The following NFATC1 variants were observed in gnomAD, a reference collection of about 807,000 sequenced individuals.
NFATC1 encodes the protein nuclear factor of activated T-cells, cytoplasmic 1.
NFATC1 carries 22 observed loss-of-function variants against 76.0 expected under a neutral mutation model. The observed-to-expected ratio is 0.29, with a 90% CI of 0.21 to 0.41. The LOEUF is 0.41. NFATC1 is among the 10% of genes least tolerant of loss of function. The pLI is 1.00. For synonymous variants in NFATC1, 704 were observed against 613.1 expected (o/e 1.15, Z -2.19); for missense variants, 1,357 against 1,337.7 (o/e 1.01, Z -0.23).
At chr18:79,416,581 C>T (rs1291768544) in intron 2 of NFATC1, among the ~76,000 whole-genome samples, 3 of 152,238 alleles carry the variant, frequency 2.0e-5, no homozygotes, top group South Asian at 4.1e-4. Context: ...GCCGTGGGGT[C>T]TTCCCCGAGC....
intron 9 of NFATC1, among the ~76,000 whole-genome samples, chr18:79,488,869 C>G (rs1366301827): frequency 6.6e-6 from 1 of 152,194 alleles, no homozygotes; most frequent in Non-Finnish European, 1.5e-5. Context: ...GCCCTGCAGG[C>G]CCAGGTGGGA....
At chr18:79,463,342 C>T (rs1420355916) in intron 7 of NFATC1, among the ~76,000 whole-genome samples, 3 of 147,660 alleles carry the variant, frequency 2.0e-5, no homozygotes, top group Non-Finnish European at 4.5e-5. Flanking sequence ...GCCCGTTGTC[C>T]GCAGAGCCAG....
At chr18:79,503,892 G>A (rs2090066235) in intron 9 of NFATC1, among the ~76,000 whole-genome samples, 1 of 152,176 alleles carries the variant, frequency 6.6e-6, no homozygotes, top group Non-Finnish European at 1.5e-5. Context: ...TTGCTTTTAT[G>A]GTATGGAGAT....
At chr18:79,527,426 G>T (rs958798690) in intron 9 of NFATC1, 102 bp from the exon 10 acceptor site, 20 of 930,792 alleles carry the variant, frequency 2.1e-5, no homozygotes, top group African/African-American at 1.1e-4. Flanking sequence ...GAGATGCCTT[G>T]TCACAGGCGT....
At chr18:79,494,759 C>G (rs112667093) in intron 9 of NFATC1, among the ~76,000 whole-genome samples, 199 of 58,818 alleles carry the variant, frequency 3.4e-3, no homozygotes, top group Admixed American at 7.0e-3. Flanking sequence ...GACCTGGTAC[C>G]GCCGGGGGAA....
Position 79,486,779 on chromosome 18 carries a change from C to G in NFATC1, c.2624C>G (p.Pro875Arg). 5 of 1,608,540 alleles carry G rather than the reference C, an allele frequency of 3.1e-6. No homozygotes were observed. The highest frequency in any genetic ancestry group is 4.2e-6 in the Non-Finnish European group (5 of 1,178,090). ...GCGTGCCCGCCCGCCACGGGCCGCC[C>G]GCAGCACCTGCCGTCCACGGTCCGC... ...SPACPPATGRPQHLPSTVRRD... is the reference protein window; with the variant it reads ...SPACPPATGRRQHLPSTVRRD... The change falls in exon 9 of 10, where the codon CCG becomes CGG. Residue 875 changes from proline to arginine, a missense_variant. By Grantham distance (103) the Pro-to-Arg change is moderately radical (BLOSUM62 -2). Around this residue, in one of 3 missense-constraint regions of NFATC1, gnomAD observed 424 missense variants for 395.4 expected, o/e 1.07. Transcript: ENST00000427363.
At chr18:79,424,666 CATCTCT>C (rs2086225765) in intron 2 of NFATC1, among the ~76,000 whole-genome samples, 1 of 127,286 alleles carries the variant, frequency 7.9e-6, no homozygotes, top group Non-Finnish European at 1.6e-5. Flanking sequence ...TCTGTCTCTC[CATCTCT>C]GTCTCTGTCC....
At chr18:79,423,912 C>T (rs2086188414) in intron 2 of NFATC1, among the ~76,000 whole-genome samples, 2 of 152,224 alleles carry the variant, frequency 1.3e-5, no homozygotes, top group Non-Finnish European at 2.9e-5. Flanking sequence ...GGAGCCAGCC[C>T]ATTGGACAGT....
At chr18:79,418,217 C>T (rs1450294154) in intron 2 of NFATC1, among the ~76,000 whole-genome samples, 1 of 152,140 alleles carries the variant, frequency 6.6e-6, no homozygotes, top group Non-Finnish European at 1.5e-5. Flanking sequence ...AATCCGCGTG[C>T]TGCCCCACCA....
At chr18:79,417,053 C>T (rs1156361533) in intron 2 of NFATC1, among the ~76,000 whole-genome samples, 3 of 152,234 alleles carry the variant, frequency 2.0e-5, no homozygotes, top group Admixed American at 1.3e-4. Context: ...CAGCAGGTGA[C>T]TCGCGCAAGC....
chr18:79,400,562 CTCCCCGGGGACCCCAGGAG>C (rs2085169609), intron 1 of NFATC1: 1 of 1,211,182 alleles, frequency 8.3e-7, no homozygotes, highest in Admixed American at 4.3e-5. Context: ...GTCCTCGTCG[CTCCCCGGGGACCCCAGGAG>C]TCCCCGGCGC....
At chr18:79,497,770 GAC>G (rs1374396210) in intron 9 of NFATC1, 2 of 151,756 alleles carry the variant, frequency 1.3e-5, no homozygotes, top group Non-Finnish European at 2.9e-5. Flanking sequence ...GGCAGGTCCT[GAC>G]ACACAGGTTT....
chr18:79,449,651 A>G (rs996829568), intron 4 of NFATC1, among the ~76,000 whole-genome samples: 10 of 152,208 alleles, frequency 6.6e-5, no homozygotes, highest in African/African-American at 2.4e-4. Context: ...TGGAACGTGC[A>G]GACCAGCAGG....
intron 8 of NFATC1, among the ~76,000 whole-genome samples, chr18:79,476,974 C>T (rs35903852): frequency 0.18 from 26,830 of 152,234 alleles, 2,808 homozygotes; most frequent in Non-Finnish European, 0.24. Context: ...GGATGGAGTT[C>T]GGAAGGACCC....
In NFATC1 at chr18:79,433,585, C is replaced by T; in HGVS notation, c.1233C>T (p.Thr411=). The change falls in exon 3 of 10, where the codon ACC becomes ACT. Residue 411 remains threonine (T), a synonymous_variant. Coordinates refer to ENST00000427363, the MANE Select transcript of NFATC1 (RefSeq NM_001278669.2). ...CTGCTCTGTTCCCTTCCAGCCCGAC[C>T]CTGCCCGCCCTGGACTGGCAGCTGC... ...PLSPTSYMSP[T]LPALDWQLPS... is the part of the protein sequence containing the mutation. 1 of 1,613,152 alleles carries T rather than the reference C, an allele frequency of 6.2e-7. No individual in the cohort carries two copies. The highest frequency in any genetic ancestry group is 8.5e-7 in the Non-Finnish European group (1 of 1,179,922).
intron 3 of NFATC1, among the ~76,000 whole-genome samples, chr18:79,445,282 C>T (rs1260605154): frequency 1.3e-5 from 2 of 152,194 alleles, no homozygotes; most frequent in African/African-American, 2.4e-5. Context: ...CCTGCAGGAA[C>T]ACCTGGCTCT....
chr18:79,482,175 G>T (rs2089300390), intron 8 of NFATC1, among the ~76,000 whole-genome samples: 2 of 148,638 alleles, frequency 1.3e-5, no homozygotes, highest in African/African-American at 5.0e-5. Context: ...CCTGGTCCTG[G>T]GGTGTAATTC....
At position 79,451,803 on chromosome 18, in the gene NFATC1, G is replaced by T. The variant is rs776946080; in HGVS notation, c.1890G>T (p.Val630=). The change falls in exon 6 of 10, where the codon GTG becomes GTT. Residue 630 remains valine, a synonymous_variant. Transcript: ENST00000427363. The part of the protein sequence containing the change: ...NFLQDSKVIF[V]EKAPDGHHVW... ...TGCAGGACTCCAAGGTCATTTTCGT[G>T]GAGAAAGCCCCAGGTATGCTCTTCA... 2 of 1,610,980 alleles carry T rather than the reference G, an allele frequency of 1.2e-6. No homozygotes were observed. Among genetic ancestry groups the T allele is most frequent in the Non-Finnish European group, 1.7e-6 (2 of 1,178,530 alleles).
intron 2 of NFATC1, among the ~76,000 whole-genome samples, chr18:79,425,999 C>T (rs1485517817): frequency 3.9e-5 from 6 of 152,122 alleles, no homozygotes; most frequent in Admixed American, 6.5e-5. Flanking sequence ...ATCGCTGGAG[C>T]CCAGGAGTTT....
Sources: allele counts gnomAD v4.1 joint callset (sites outside exome capture counted in the v4.1 genomes callset), GRCh38; gene constraint gnomAD v4.1.1; regional missense constraint gnomAD v4.1.1; transcripts MANE v1.5; gene names NCBI Gene and HGNC (gene_info 2026-07-23, HGNC 2026-07-21).